TANC2: variants seen among roughly 807,000 people sequenced by gnomAD.
TANC2 encodes the protein protein TANC2.
In TANC2, 26 loss-of-function variants were observed where a neutral mutation model predicts 210.5. That is an observed-to-expected ratio of 0.12 (90% CI 0.09 to 0.17). The LOEUF (loss-of-function observed/expected upper bound fraction) is 0.17. Among genes scored for constraint, TANC2 ranks in the 10% least tolerant of loss-of-function variants. The pLI is 1.00. For missense variants in TANC2, 2,129 were observed against 2,608.9 expected, an observed-to-expected ratio of 0.82 and a Z score of 4.01; for synonymous variants, 931 against 967.1, an observed-to-expected ratio of 0.96 and a Z score of 0.69.
intron 11 of TANC2, among the ~76,000 whole-genome samples, chr17:63,328,961 T>C (rs2045746547): frequency 6.6e-6 from 1 of 152,110 alleles, no homozygotes; most frequent in African/African-American, 2.4e-5. Context: ...TTGTCAACTT[T>C]TAGCATAGTA....
intron 7 of TANC2, among the ~76,000 whole-genome samples, chr17:63,218,426 A>G (rs2042080849): frequency 6.6e-6 from 1 of 152,218 alleles, no homozygotes; most frequent in African/African-American, 2.4e-5. Flanking sequence ...ACAGATTTCT[A>G]CACCTATCAC....
rs554665363 is a variant in TANC2, at chr17:63,024,521, C to T, written c.67+14895C>T. ...CCCTGTTTTGTCAGCATGGTCTTTA[C>T]GACCTGTATCTTGTGCTGATCTCCT... On this transcript the variant is annotated intron_variant, in intron 2 of 27. Coordinates refer to ENST00000689528, the Ensembl canonical transcript of TANC2. 1.2e-4 allele frequency among the ~76,000 whole-genome samples: 19 copies of T among 152,238 alleles called. No homozygotes were observed. The South Asian group carries it at 3.5e-3, about 28-fold the overall frequency.
chr17:62,998,227 T>C (rs541471293), intron 1 of TANC2, among the ~76,000 whole-genome samples: 243 of 151,998 alleles, frequency 1.6e-3, no homozygotes, highest in African/African-American at 5.6e-3. Context: ...GAAAAACCAA[T>C]AAAGAAGAAT....
chr17:63,015,379 A>G (rs1039990588), intron 2 of TANC2, among the ~76,000 whole-genome samples: 11 of 152,040 alleles, frequency 7.2e-5, no homozygotes, highest in Non-Finnish European at 1.0e-4. Context: ...CAGGTTTGTT[A>G]CATATGTATG....
chr17:63,379,654 G>A, intron 14 of TANC2, 64 bp from the exon 15 acceptor site: 2 of 1,298,132 alleles, frequency 1.5e-6, no homozygotes, highest in Non-Finnish European at 2.1e-6. Flanking sequence ...GGGCAACAGA[G>A]TGAGACTCCA....
At chr17:63,191,375 C>T (rs1252622463) in intron 5 of TANC2, among the ~76,000 whole-genome samples, 1 of 150,732 alleles carries the variant, frequency 6.6e-6, no homozygotes, top group African/African-American at 2.4e-5. Flanking sequence ...TTGCACCAAA[C>T]TAATAAATTC....
At chr17:63,246,158 TAAC>T (rs2042913865) in intron 8 of TANC2, among the ~76,000 whole-genome samples, 1 of 151,994 alleles carries the variant, frequency 6.6e-6, no homozygotes, top group Non-Finnish European at 1.5e-5. Flanking sequence ...TAAAACCTAA[TAAC>T]TACAACAAAT....
At chr17:63,406,402 A>C (rs1173678988) in intron 21 of TANC2, 125 bp downstream of exon 21, 2 of 1,335,794 alleles carry the variant, frequency 1.5e-6, no homozygotes, top group East Asian at 4.7e-5. Flanking sequence ...TGGAAAATGA[A>C]AGGCTATCTC....
chr17:63,347,279 G>A (rs1438648595), intron 12 of TANC2, among the ~76,000 whole-genome samples: 4 of 152,148 alleles, frequency 2.6e-5, no homozygotes, highest in South Asian at 2.1e-4. Context: ...TCTCAGAAAC[G>A]TGTTAGGCAA....
At chr17:63,290,383 GT>G in intron 9 of TANC2, among the ~76,000 whole-genome samples, 1 of 152,278 alleles carries the variant, frequency 6.6e-6, no homozygotes, top group Admixed American at 6.5e-5. Flanking sequence ...CTCCCTGACT[GT>G]ACTCAGTGAT....
At chr17:63,255,957 G>A (rs2043184020) in intron 8 of TANC2, among the ~76,000 whole-genome samples, 1 of 141,286 alleles carries the variant, frequency 7.1e-6, no homozygotes, top group African/African-American at 2.7e-5. Flanking sequence ...CCTGGCTGGA[G>A]TGCAGTGGTG....
At chr17:63,220,141 A>T (rs2042129728) in intron 7 of TANC2, among the ~76,000 whole-genome samples, 1 of 151,744 alleles carries the variant, frequency 6.6e-6, no homozygotes, top group Non-Finnish European at 1.5e-5. Context: ...CTAAAAATAC[A>T]AAAATTAGTG....
At chr17:63,266,423 A>C (rs1167753610) in intron 8 of TANC2, among the ~76,000 whole-genome samples, 1 of 152,172 alleles carries the variant, frequency 6.6e-6, no homozygotes, top group African/African-American at 2.4e-5. Context: ...AATGAATATC[A>C]GTACCCAATG....
At chr17:63,371,440 T>C (rs1007655563) in intron 14 of TANC2, among the ~76,000 whole-genome samples, 19 of 149,986 alleles carry the variant, frequency 1.3e-4, no homozygotes, top group Non-Finnish European at 3.0e-5. Flanking sequence ...CACTCCAGCT[T>C]GGGCAACAAG....
intron 14 of TANC2, among the ~76,000 whole-genome samples, chr17:63,361,693 TG>T (rs1480501461): frequency 4.6e-5 from 7 of 152,186 alleles, no homozygotes; most frequent in Non-Finnish European, 8.8e-5. Context: ...TCGTCCACAA[TG>T]TGGCGAGCAG....
intron 9 of TANC2, among the ~76,000 whole-genome samples, chr17:63,309,606 G>T (rs992032925): frequency 6.6e-6 from 1 of 152,056 alleles, no homozygotes; most frequent in Non-Finnish European, 1.5e-5. Context: ...ATGTTTTATG[G>T]TTATTTCAAG....
intron 2 of TANC2, among the ~76,000 whole-genome samples, chr17:63,062,576 CT>C (rs2036034217): frequency 6.6e-6 from 1 of 152,100 alleles, no homozygotes; most frequent in African/African-American, 2.4e-5. Context: ...CAAATTAATT[CT>C]TTGTATTTTC....
chr17:63,343,254 A>G (rs146273681), intron 12 of TANC2, among the ~76,000 whole-genome samples: 1 of 152,344 alleles, frequency 6.6e-6, no homozygotes, highest in East Asian at 1.9e-4. Flanking sequence ...AAGTAAAAGG[A>G]TAGAGACTGT....
In TANC2 at chr17:63,061,503, A is replaced by G. The variant is rs1598336352; in HGVS notation, c.68-12440A>G. On this transcript the variant is annotated intron_variant, in intron 2 of 27. Coordinates refer to ENST00000689528, the Ensembl canonical transcript of TANC2. ...TTGATCTAAGTTGATAATGTCAAGT[A>G]TACAGGGTACTCTTGAAATACATAG... Among the ~76,000 whole-genome samples the G allele has an allele frequency of 3.9e-5, 6 of 152,338 alleles. 1 individual carries two copies. Among genetic ancestry groups the G allele is most frequent in the Admixed American group, 3.9e-4 (6 of 15,306 alleles).
Sources: allele counts gnomAD v4.1 joint callset (sites outside exome capture counted in the v4.1 genomes callset), GRCh38; gene constraint gnomAD v4.1.1; transcripts MANE v1.5; gene names NCBI Gene and HGNC (gene_info 2026-07-23, HGNC 2026-07-21).